GABRG3: variants seen among roughly 807,000 people sequenced by gnomAD.
GABRG3 encodes gamma-aminobutyric acid type A receptor subunit gamma3.
In GABRG3, 25 loss-of-function variants were observed where a neutral mutation model predicts 48.8. The observed-to-expected ratio is 0.51, with a 90% CI of 0.37 to 0.72. GABRG3 has a LOEUF of 0.72. Among genes scored for constraint, GABRG3 ranks in the 30% least tolerant of loss-of-function variants. The pLI, the probability that GABRG3 is intolerant of heterozygous loss-of-function variation, is 0.00. For synonymous variants in GABRG3, 227 were observed against 217.6 expected (o/e 1.04, Z -0.38); for missense variants, 394 against 577.9 (o/e 0.68, Z 3.26).
intron 3 of GABRG3, among the ~76,000 whole-genome samples, chr15:27,039,337 C>T (rs1896234204): frequency 6.6e-6 from 1 of 152,222 alleles, no homozygotes; most frequent in Non-Finnish European, 1.5e-5. Context: ...TGGAGCTAGA[C>T]TGAGCTAGAC....
chr15:27,246,649 A>G (rs1479941444), intron 3 of GABRG3, among the ~76,000 whole-genome samples: 1 of 152,184 alleles, frequency 6.6e-6, no homozygotes, highest in Admixed American at 6.5e-5. Context: ...TTAAGGGATA[A>G]CTCTGGCTCC....
chr15:27,359,421 CTG>C (rs1056928778), intron 5 of GABRG3, among the ~76,000 whole-genome samples: 128 of 152,334 alleles, frequency 8.4e-4, no homozygotes, highest in African/African-American at 2.9e-3. Flanking sequence ...CCACAATGGT[CTG>C]TGACTAAAAC....
intron 5 of GABRG3, among the ~76,000 whole-genome samples, chr15:27,341,886 C>A (rs902625774): frequency 6.6e-6 from 1 of 152,208 alleles, no homozygotes; most frequent in Non-Finnish European, 1.5e-5. Flanking sequence ...TCTCTGACAA[C>A]TGTGTTGGCT....
intron 5 of GABRG3, among the ~76,000 whole-genome samples, chr15:27,333,058 T>C (rs1237880908): frequency 1.3e-5 from 2 of 152,224 alleles, no homozygotes; most frequent in African/African-American, 4.8e-5. Context: ...TTAAATTACT[T>C]ATATGGATGA....
intron 3 of GABRG3, among the ~76,000 whole-genome samples, chr15:27,072,013 G>A (rs1457801990): frequency 6.6e-6 from 1 of 152,176 alleles, no homozygotes; most frequent in Non-Finnish European, 1.5e-5. Context: ...GCCGCACAAA[G>A]AGCTCACCTG....
At chr15:27,273,204 T>A (rs1036953348) in intron 3 of GABRG3, among the ~76,000 whole-genome samples, 1 of 152,200 alleles carries the variant, frequency 6.6e-6, no homozygotes, top group African/African-American at 2.4e-5. Flanking sequence ...AGATGCTGCA[T>A]TTTTTGGAGT....
At chr15:27,380,315 G>C (rs1895727168) in intron 5 of GABRG3, among the ~76,000 whole-genome samples, 1 of 151,796 alleles carries the variant, frequency 6.6e-6, no homozygotes. Context: ...AGATCCTTTA[G>C]CATATTAATC....
chr15:27,230,633 G>A (rs976946376), intron 3 of GABRG3, among the ~76,000 whole-genome samples: 2 of 152,098 alleles, frequency 1.3e-5, no homozygotes, highest in African/African-American at 4.8e-5. Context: ...TATGGTTTGG[G>A]TGAATAGGTT....
intron 3 of GABRG3, among the ~76,000 whole-genome samples, chr15:27,071,869 C>T (rs369065557): frequency 6.6e-6 from 1 of 152,326 alleles, no homozygotes; most frequent in East Asian, 1.9e-4. Flanking sequence ...GCAGTTATTA[C>T]TTGATTAGTT....
rs555796297 is a variant in GABRG3, at chr15:27,027,939, G to A, written c.270+1118G>A. On this transcript the variant is annotated intron_variant, in intron 3 of 9. Transcript: ENST00000615808. The stretch of plus-strand genomic sequence containing the variant: ...ACAACCGTTTATTCAACACCTTTAC[G>A]TCTAACATGTGTTTATGTCTAACAC... Among the ~76,000 whole-genome samples, 11 of 152,160 alleles carry A rather than the reference G, an allele frequency of 7.2e-5. No homozygotes were observed. The South Asian group carries it at 1.9e-3, about 26-fold the overall frequency.
chr15:27,453,064 A>C (rs1889156392), intron 5 of GABRG3, among the ~76,000 whole-genome samples: 1 of 152,218 alleles, frequency 6.6e-6, no homozygotes, highest in Admixed American at 6.5e-5. Flanking sequence ...GCATGACCTC[A>C]TTTATATGTG....
In GABRG3 at chr15:27,375,932, C is replaced by T. The variant is rs149318157; in HGVS notation, c.574+47044C>T. ...CTCATTTCAGCATTAACTCAAAAGTCCACAGTTCAAAGTCTCATCCAAGAC... is the reference window on the plus strand; with the variant it reads ...CTCATTTCAGCATTAACTCAAAAGTTCACAGTTCAAAGTCTCATCCAAGAC... On this transcript the variant is annotated intron_variant, in intron 5 of 9. Coordinates refer to ENST00000615808, the MANE Select transcript of GABRG3 (RefSeq NM_033223.5). Among the ~76,000 whole-genome samples, 939 of 152,290 alleles carry T rather than the reference C, an allele frequency of 6.2e-3. 10 individuals are homozygous for T. The highest frequency in any genetic ancestry group is 0.021 in the African/African-American group (883 of 41,568).
chr15:27,028,022 T>C (rs1300744506), intron 3 of GABRG3, among the ~76,000 whole-genome samples: 2 of 152,246 alleles, frequency 1.3e-5, no homozygotes, highest in East Asian at 3.8e-4. Context: ...GGAAGTCAAT[T>C]GCATTTGCAT....
At chr15:26,973,060 C>T (rs1405661509) in intron 1 of GABRG3, among the ~76,000 whole-genome samples, 1 of 152,156 alleles carries the variant, frequency 6.6e-6, no homozygotes, top group East Asian at 1.9e-4. Context: ...AACGCTGAGG[C>T]CGGCAGTCAC....
chr15:27,386,125 C>G (rs574373897), intron 5 of GABRG3, among the ~76,000 whole-genome samples: 146 of 152,188 alleles, frequency 9.6e-4, no homozygotes, highest in African/African-American at 3.0e-3. Flanking sequence ...CTCTCTCTCT[C>G]TTTGTTTTCC....
At chr15:27,098,493 T>C (rs1221410488) in intron 3 of GABRG3, among the ~76,000 whole-genome samples, 1 of 152,130 alleles carries the variant, frequency 6.6e-6, no homozygotes, top group Non-Finnish European at 1.5e-5. Flanking sequence ...CAGAACCTAA[T>C]TTTGAAGATA....
chr15:27,020,497 C>T (rs1342376489), intron 2 of GABRG3, among the ~76,000 whole-genome samples: 8 of 152,142 alleles, frequency 5.3e-5, no homozygotes, highest in African/African-American at 1.7e-4. Context: ...CTGCAAGCTC[C>T]GCCTCCTGGG....
At chr15:27,110,867 G>A (rs527727349) in intron 3 of GABRG3, among the ~76,000 whole-genome samples, 2 of 152,134 alleles carry the variant, frequency 1.3e-5, no homozygotes, top group East Asian at 1.9e-4. Flanking sequence ...GTCCAAGTGG[G>A]TTATTTTTGG....
At chr15:27,462,633 G>A (rs148984836) in intron 5 of GABRG3, among the ~76,000 whole-genome samples, 15 of 152,232 alleles carry the variant, frequency 9.9e-5, no homozygotes, top group African/African-American at 3.6e-4. Flanking sequence ...TTATTCCAGT[G>A]TTAACTTCTC....
Sources: allele counts gnomAD v4.1 joint callset (sites outside exome capture counted in the v4.1 genomes callset), GRCh38; gene constraint gnomAD v4.1.1; transcripts MANE v1.5; gene names NCBI Gene and HGNC (gene_info 2026-07-23, HGNC 2026-07-21).